The following PPFIBP1 variants were observed in gnomAD, a reference collection of about 807,000 sequenced individuals.
PPFIBP1 encodes the protein PPFIB scaffold protein 1, also known as liprin-beta-1.
Under a neutral mutation model 137.8 loss-of-function variants are expected in PPFIBP1, and 112 were observed. The ratio of observed to expected loss-of-function variants is 0.81; its 90% CI spans 0.70 to 0.95. The LOEUF (loss-of-function observed/expected upper bound fraction) is 0.95, where lower values mean the gene tolerates loss of function less well. Among genes scored for constraint, PPFIBP1 ranks in the 40% least tolerant of loss-of-function variants. The pLI, the probability that PPFIBP1 is intolerant of heterozygous loss-of-function variation, is 0.00. For synonymous variants in PPFIBP1, 378 were observed against 417.3 expected (o/e 0.91, Z 1.15); for missense variants, 1,083 against 1,196.6 (o/e 0.91, Z 1.40).
chr12:27,667,538 G>A (rs926875743), intron 13 of PPFIBP1, among the ~76,000 whole-genome samples: 15 of 152,206 alleles, frequency 9.9e-5, no homozygotes, highest in African/African-American at 3.6e-4. Context: ...CTTGGAAGAA[G>A]CAACTGGAGA....
intron 2 of PPFIBP1, among the ~76,000 whole-genome samples, chr12:27,623,297 A>G (rs7358744): frequency 0.32 from 48,274 of 152,162 alleles, 8,283 homozygotes; most frequent in Middle Eastern, 0.39. Context: ...CCAAAATAGT[A>G]CAATGAATTT....
intron 1 of PPFIBP1, among the ~76,000 whole-genome samples, chr12:27,577,370 C>T (rs954163627): frequency 7.9e-5 from 12 of 152,088 alleles, no homozygotes; most frequent in African/African-American, 2.7e-4. Flanking sequence ...CACATCCATA[C>T]GTCATAATTT....
At chr12:27,598,216 GA>G (rs542917573) in intron 2 of PPFIBP1, among the ~76,000 whole-genome samples, 576 of 152,094 alleles carry the variant, frequency 3.8e-3, no homozygotes, top group African/African-American at 0.013. Context: ...AATGAATAAA[GA>G]AAAAAAAGTT....
chr12:27,601,255 T>G (rs532284399), intron 2 of PPFIBP1, among the ~76,000 whole-genome samples: 1 of 152,230 alleles, frequency 6.6e-6, no homozygotes, highest in Admixed American at 6.5e-5. Context: ...TCAACTGCTT[T>G]TTTTGCTTTA....
chr12:27,552,205 TTA>T (rs1187918162), intron 1 of PPFIBP1, among the ~76,000 whole-genome samples: 1 of 152,234 alleles, frequency 6.6e-6, no homozygotes, highest in Non-Finnish European at 1.5e-5. Flanking sequence ...GAAATGGGTG[TTA>T]TATTTTAAAT....
chr12:27,615,112 C>G (rs894046624), intron 2 of PPFIBP1, among the ~76,000 whole-genome samples: 1 of 152,188 alleles, frequency 6.6e-6, no homozygotes, highest in Admixed American at 6.5e-5. Flanking sequence ...GCTTGGGCTG[C>G]TCACCATATT....
chr12:27,528,732 A>G (rs1392958366), intron 1 of PPFIBP1, among the ~76,000 whole-genome samples: 4 of 152,200 alleles, frequency 2.6e-5, no homozygotes, highest in African/African-American at 9.6e-5. Context: ...TTTTAGATAA[A>G]AGAAATATGG....
intron 2 of PPFIBP1, among the ~76,000 whole-genome samples, chr12:27,607,859 A>G (rs1565862686): frequency 6.6e-6 from 1 of 151,980 alleles, no homozygotes; most frequent in Non-Finnish European, 1.5e-5. Context: ...AACCAAAAAT[A>G]CTCTGGGGGT....
chr12:27,679,555 C>T lies in PPFIBP1; in HGVS notation c.1682C>T (p.Ser561Leu), dbSNP rs766961284. 1.9e-6 allele frequency: 3 copies of T among 1,613,854 alleles called. No individual in the cohort carries two copies. The South Asian group carries it at 3.3e-5, about 18-fold the overall frequency. The change falls in exon 20 of 30, where the codon TCA (serine) becomes TTA (leucine). Residue 561 changes from serine to leucine, a missense_variant. By Grantham distance (145) the Ser-to-Leu change is moderately radical. Coordinates refer to ENST00000228425, the MANE Select transcript of PPFIBP1 (RefSeq NM_003622.4). ...GGTGCTTCTTCTCGGCCAAAAGATT[C>T]ACAGAGGAACAGTCCCTTCCAGATA... ...LAGASSRPKD[S>L]QRNSPFQIPP...
At chr12:27,589,990 C>T (rs1010526351) in intron 2 of PPFIBP1, among the ~76,000 whole-genome samples, 1 of 152,014 alleles carries the variant, frequency 6.6e-6, no homozygotes, top group African/African-American at 2.4e-5. Context: ...TCTTGTCTGC[C>T]TCCCTTTTCA....
chr12:27,555,181 C>T (rs2048613242), intron 1 of PPFIBP1, among the ~76,000 whole-genome samples: 1 of 152,154 alleles, frequency 6.6e-6, no homozygotes, highest in African/African-American at 2.4e-5. Context: ...TGGCTCAGGT[C>T]CCCTTCGACA....
In PPFIBP1 at chr12:27,608,950, G is replaced by A. The variant is rs553127411; in HGVS notation, c.-35-24412G>A. Reference sequence around the variant, plus strand: ...CTGCTGCCTTTTTGGGCTTTGTTTCGCTTTGAAGGAGCAGGTTTAGCTGAC... The same window carrying A: ...CTGCTGCCTTTTTGGGCTTTGTTTCACTTTGAAGGAGCAGGTTTAGCTGAC... On this transcript the variant is annotated intron_variant, in intron 2 of 29. Coordinates refer to ENST00000228425, the MANE Select transcript of PPFIBP1 (RefSeq NM_003622.4). The A allele has an allele frequency of 3.1e-5, 6 of 190,640 alleles. No homozygotes were observed. In the East Asian group the frequency reaches 7.2e-4, roughly 23 times the overall value. The allele number at this position is 190,640 out of a possible 1,614,324, so 11.8% of individuals were successfully genotyped here.
intron 1 of PPFIBP1, among the ~76,000 whole-genome samples, chr12:27,546,088 T>C (rs1946217508): frequency 1.3e-5 from 2 of 152,184 alleles, no homozygotes; most frequent in Admixed American, 6.5e-5. Context: ...CTGTGAAATA[T>C]TAATCTGTGG....
In PPFIBP1 at chr12:27,688,758, C is replaced by T. The variant is rs144843667; in HGVS notation, c.2497-257C>T. 3.2e-3 allele frequency among the ~76,000 whole-genome samples: 492 copies of T among 152,224 alleles called. 1 individual carries two copies. Among genetic ancestry groups the T allele is most frequent in the African/African-American group, 0.011 (465 of 41,516 alleles). On this transcript the variant is annotated intron_variant, in intron 26 of 29. Coordinates refer to ENST00000228425, the MANE Select transcript of PPFIBP1 (RefSeq NM_003622.4). ...GGAGGTGGCTCCCACAGACAGCACC[C>T]TAGAGAGGCAGAGCACTGATATTGG...
chr12:27,661,310 T>C (rs904099950), intron 11 of PPFIBP1, among the ~76,000 whole-genome samples: 2 of 152,258 alleles, frequency 1.3e-5, no homozygotes, highest in African/African-American at 4.8e-5. Context: ...CTCAGCTTCA[T>C]GGTCATGTTG....
At chr12:27,557,619 T>C (rs2048810568) in intron 1 of PPFIBP1, among the ~76,000 whole-genome samples, 1 of 152,210 alleles carries the variant, frequency 6.6e-6, no homozygotes, top group Non-Finnish European at 1.5e-5. Context: ...TAGAATGATA[T>C]TTAATATAGA....
chr12:27,527,317 C>T (rs902263511), intron 1 of PPFIBP1, among the ~76,000 whole-genome samples: 4 of 151,386 alleles, frequency 2.6e-5, no homozygotes, highest in African/African-American at 7.3e-5. Context: ...GGTGCAGTCT[C>T]GGCTCACTGT....
At chr12:27,560,144 G>A (rs553618374) in intron 1 of PPFIBP1, among the ~76,000 whole-genome samples, 5 of 152,228 alleles carry the variant, frequency 3.3e-5, no homozygotes, top group South Asian at 2.1e-4. Context: ...CTGCTTTTTC[G>A]TCTTTGAAAT....
chr12:27,585,729 C>G (rs1232461221), intron 2 of PPFIBP1, among the ~76,000 whole-genome samples: 3 of 152,192 alleles, frequency 2.0e-5, no homozygotes, highest in African/African-American at 4.8e-5. Context: ...CCAACCTGCT[C>G]TGTTCTACGG....
Sources: gnomAD v4.1 joint callset for allele counts (sites outside exome capture counted in the v4.1 genomes callset) on GRCh38, gnomAD v4.1.1 for gene constraint, MANE v1.5 for transcripts, NCBI Gene and HGNC (gene_info 2026-07-23, HGNC 2026-07-21) for gene names.